DOCK2: variants seen among roughly 807,000 people sequenced by gnomAD.
DOCK2 encodes the protein dedicator of cytokinesis protein 2.
In DOCK2, 87 loss-of-function variants were observed where a neutral mutation model predicts 248.9. The ratio of observed to expected loss-of-function variants is 0.35; its 90% confidence interval spans 0.29 to 0.42. The LOEUF (loss-of-function observed/expected upper bound fraction) is 0.42, where lower values mean the gene tolerates loss of function less well. Among genes scored for constraint, DOCK2 ranks in the 10% least tolerant of loss-of-function variants. The probability of loss-of-function intolerance (pLI) is 1.00; values close to 1 mark genes in which losing one functional copy is unlikely to be tolerated. For missense variants in DOCK2, 1,747 were observed against 2,300.2 expected (o/e 0.76, Z 4.92); for synonymous variants, 805 against 821.6 (o/e 0.98, Z 0.35).
intron 25 of DOCK2, among the ~76,000 whole-genome samples, chr5:169,791,014 C>T (rs1766304547): frequency 6.6e-6 from 1 of 152,182 alleles, no homozygotes. Flanking sequence ...CCAGCTGCTA[C>T]CACCTAGTTT....
chr5:169,645,094 C>T (rs577288416), intron 1 of DOCK2, among the ~76,000 whole-genome samples: 5 of 152,236 alleles, frequency 3.3e-5, no homozygotes, highest in African/African-American at 9.6e-5. Flanking sequence ...AATAGTGCTG[C>T]GATAAACATA....
chr5:169,738,977 G>A (rs976527115), intron 22 of DOCK2, among the ~76,000 whole-genome samples: 2 of 152,216 alleles, frequency 1.3e-5, no homozygotes, highest in African/African-American at 4.8e-5. Flanking sequence ...CAGTGTGTTT[G>A]ATCTCCACAT....
intron 2 of DOCK2, among the ~76,000 whole-genome samples, chr5:169,664,831 A>G (rs2113249827): frequency 6.6e-6 from 1 of 152,316 alleles, no homozygotes; most frequent in South Asian, 2.1e-4. Flanking sequence ...AAGCCAAATC[A>G]TATCAACCAG....
At chr5:170,050,563 T>A (rs1756878782) in intron 41 of DOCK2, among the ~76,000 whole-genome samples, 166 bp downstream of exon 41, 1 of 152,206 alleles carries the variant, frequency 6.6e-6, no homozygotes, top group Non-Finnish European at 1.5e-5. Context: ...GTTCTTTGGA[T>A]CCTTTTCTGG....
At chr5:169,810,985 T>A (rs62384818) in intron 26 of DOCK2, among the ~76,000 whole-genome samples, 3,963 of 77,246 alleles carry the variant, frequency 0.051, 71 homozygotes, top group Middle Eastern at 0.11. Flanking sequence ...TCTCTCTCTC[T>A]CTCTCACACA....
chr5:169,947,830 ATACAGCATAAATACC>A lies in DOCK2; in HGVS notation c.2800-35228_2800-35214del, dbSNP rs550952068. ...GGTGAGCATGAGCATACATAAATAC[ATACAGCATAAATACC>A]TACAGCATACATGGTGCCTGCTGGG... On this transcript the variant is annotated intron_variant, in intron 27 of 51. Transcript: ENST00000520908. 1.0e-3 allele frequency among the ~76,000 whole-genome samples: 153 copies of A among 151,912 alleles called. 2 individuals are homozygous for A. In the South Asian group the frequency reaches 0.029, roughly 28 times the overall value.
At chr5:169,890,353 T>A (rs1158129299) in intron 27 of DOCK2, among the ~76,000 whole-genome samples, 1 of 152,236 alleles carries the variant, frequency 6.6e-6, no homozygotes, top group Non-Finnish European at 1.5e-5. Context: ...CCTCTGGGCC[T>A]TGTGGTTCAA....
At chr5:169,661,211 G>T (rs1346652163) in intron 2 of DOCK2, among the ~76,000 whole-genome samples, 1 of 152,180 alleles carries the variant, frequency 6.6e-6, no homozygotes, top group Non-Finnish European at 1.5e-5. Flanking sequence ...TGAGGGGACT[G>T]AGGCTCAGAA....
At chr5:169,948,519 T>C (rs1011434280) in intron 27 of DOCK2, among the ~76,000 whole-genome samples, 4 of 152,062 alleles carry the variant, frequency 2.6e-5, no homozygotes, top group African/African-American at 9.7e-5. Flanking sequence ...TACACACACA[T>C]AGAAACACAT....
chr5:169,806,433 C>T (rs888637389), intron 26 of DOCK2, among the ~76,000 whole-genome samples: 1 of 151,912 alleles, frequency 6.6e-6, no homozygotes, highest in African/African-American at 2.4e-5. Context: ...ACAAGCCACC[C>T]GGGGAGCTTT....
At chr5:169,677,025 ACCC>A (rs1759371211) in intron 6 of DOCK2, among the ~76,000 whole-genome samples, 1 of 152,168 alleles carries the variant, frequency 6.6e-6, no homozygotes, top group African/African-American at 2.4e-5. Context: ...CACTATTCTC[ACCC>A]TGTTTCTCAG....
intron 27 of DOCK2, among the ~76,000 whole-genome samples, chr5:169,969,714 A>C (rs1374079133): frequency 6.7e-6 from 1 of 150,246 alleles, no homozygotes; most frequent in Non-Finnish European, 1.5e-5. Flanking sequence ...TGGGGTGACC[A>C]ACTGTCCTGG....
chr5:169,779,423 TG>T (rs70979144), intron 25 of DOCK2: 19,543 of 152,426 alleles, frequency 0.13, 1,548 homozygotes, highest in Non-Finnish European at 0.18. Flanking sequence ...TGCCTGTGGT[TG>T]GGGGGAGGGG....
chr5:169,905,595 C>T (rs1246909124), intron 27 of DOCK2, among the ~76,000 whole-genome samples: 6 of 152,172 alleles, frequency 3.9e-5, no homozygotes, highest in African/African-American at 4.8e-5. Flanking sequence ...GTCCTGTATA[C>T]GGGCTTGAAT....
chr5:169,806,946 G>A lies in DOCK2; in HGVS notation c.2703+3740G>A, dbSNP rs550574095. On this transcript the variant is annotated intron_variant, in intron 26 of 51. Coordinates refer to ENST00000520908, the MANE Select transcript of DOCK2 (RefSeq NM_004946.3). ...CCCTCCTCACCCTTCAATGCCCCAC[G>A]TATCCTCATTCTTCTTGGGTGCGGC... Among the ~76,000 whole-genome samples, 265 of 140,222 alleles carry A rather than the reference G, an allele frequency of 1.9e-3. 7 individuals are homozygous for A. The South Asian group carries it at 0.056, about 30-fold the overall frequency. 92.0% of individuals were successfully genotyped at this position (140,222 alleles called of 152,430 possible).
At chr5:169,889,249 AT>A (rs886634724) in intron 27 of DOCK2, among the ~76,000 whole-genome samples, 70 of 152,040 alleles carry the variant, frequency 4.6e-4, no homozygotes, top group Non-Finnish European at 8.8e-5. Flanking sequence ...CACTTCCAAC[AT>A]TTTTTTTCCT....
intron 27 of DOCK2, among the ~76,000 whole-genome samples, chr5:169,859,315 G>A (rs1364422075): frequency 1.3e-5 from 2 of 152,086 alleles, no homozygotes; most frequent in Non-Finnish European, 2.9e-5. Flanking sequence ...CGAAATTTAG[G>A]CTGTAAATTG....
At chr5:169,829,123 A>G (rs1769063577) in intron 26 of DOCK2, among the ~76,000 whole-genome samples, 2 of 152,230 alleles carry the variant, frequency 1.3e-5, no homozygotes, top group South Asian at 4.2e-4. Context: ...GAGGAAAGTC[A>G]TGTGAGGAGG....
intron 27 of DOCK2, among the ~76,000 whole-genome samples, chr5:169,877,221 G>T (rs556268585): frequency 8.0e-4 from 122 of 152,346 alleles, no homozygotes; most frequent in Middle Eastern, 3.4e-3. Flanking sequence ...GGCTGGAGAG[G>T]AGCCACAGAC....
Sources: allele counts gnomAD v4.1 joint callset (sites outside exome capture counted in the v4.1 genomes callset), GRCh38; gene constraint gnomAD v4.1.1; transcripts MANE v1.5; gene names NCBI Gene and HGNC (gene_info 2026-07-23, HGNC 2026-07-21).